The following CNBD1 variants were observed in gnomAD, a reference collection of about 807,000 sequenced individuals.
The protein encoded by CNBD1 is cyclic nucleotide-binding domain-containing protein 1.
CNBD1 carries 71 observed loss-of-function variants against 54.4 expected under a neutral mutation model. The ratio of observed to expected loss-of-function variants is 1.30; its 90% CI spans 1.08 to 1.59. The LOEUF is 1.59. Among genes scored for constraint, CNBD1 ranks in the 40% most tolerant of loss-of-function variants. The probability of loss-of-function intolerance (pLI) is 0.00; values close to 1 mark genes in which losing one functional copy is unlikely to be tolerated. For synonymous variants in CNBD1, 182 were observed against 170.7 expected, an observed-to-expected ratio of 1.07 and a Z score of -0.51; for missense variants, 659 against 518.0, an observed-to-expected ratio of 1.27 and a Z score of -2.64.
chr8:87,181,452 C>A (rs542175902), intron 4 of CNBD1, among the ~76,000 whole-genome samples: 1 of 152,132 alleles, frequency 6.6e-6, no homozygotes, highest in Non-Finnish European at 1.5e-5. Flanking sequence ...TTGGGTGAGA[C>A]TCAGAAGTTT....
chr8:87,282,107 A>AT (rs1298839205), intron 6 of CNBD1, among the ~76,000 whole-genome samples: 1 of 151,220 alleles, frequency 6.6e-6, no homozygotes, highest in Admixed American at 6.6e-5. Context: ...TCATCACTTT[A>AT]TTTTTTTGTC....
At chr8:86,876,202 T>C (rs1361759443) in intron 1 of CNBD1, among the ~76,000 whole-genome samples, 1 of 151,892 alleles carries the variant, frequency 6.6e-6, no homozygotes, top group Non-Finnish European at 1.5e-5. Context: ...TGTGTGTGTG[T>C]GTGTGTGTGT....
chr8:87,225,733 AT>A (rs1168443403), intron 5 of CNBD1, among the ~76,000 whole-genome samples: 8 of 151,630 alleles, frequency 5.3e-5, no homozygotes, highest in Admixed American at 1.3e-4. Flanking sequence ...CGGCTTTGGT[AT>A]CAGAATGATG....
intron 1 of CNBD1, among the ~76,000 whole-genome samples, chr8:86,885,584 C>T (rs544742994): frequency 6.6e-6 from 1 of 152,286 alleles, no homozygotes; most frequent in Admixed American, 6.5e-5. Context: ...AATTTGATCA[C>T]AAGAAAAGCT....
intron 4 of CNBD1, among the ~76,000 whole-genome samples, chr8:87,101,119 C>A (rs868394594): frequency 2.0e-5 from 3 of 152,122 alleles, no homozygotes; most frequent in African/African-American, 4.8e-5. Context: ...TACAATATTT[C>A]TAACACAATT....
At chr8:87,337,250 G>A (rs925219916) in intron 8 of CNBD1, among the ~76,000 whole-genome samples, 2 of 152,104 alleles carry the variant, frequency 1.3e-5, no homozygotes, top group Admixed American at 1.3e-4. Flanking sequence ...TTGCTGTGCT[G>A]GGGGGAAACA....
At chr8:87,086,558 A>G (rs1181175253) in intron 4 of CNBD1, among the ~76,000 whole-genome samples, 1 of 152,226 alleles carries the variant, frequency 6.6e-6, no homozygotes, top group East Asian at 1.9e-4. Flanking sequence ...GTATATGAAG[A>G]TATTGCTGAA....
At chr8:87,357,169 C>A (rs1810436112) in intron 10 of CNBD1, among the ~76,000 whole-genome samples, 1 of 152,194 alleles carries the variant, frequency 6.6e-6, no homozygotes, top group South Asian at 2.1e-4. Context: ...AGGGGCCCCA[C>A]AGAGAGCCTC....
At chr8:87,414,753 T>C (rs1440876613) in intron 2 of CNBD1, among the ~76,000 whole-genome samples, 1 of 150,790 alleles carries the variant, frequency 6.6e-6, no homozygotes, top group Non-Finnish European at 1.5e-5. Flanking sequence ...CTGGTGTGAC[T>C]TGAAAACTAA....
chr8:87,076,045 C>T (rs1360505867), intron 4 of CNBD1, among the ~76,000 whole-genome samples: 1 of 152,084 alleles, frequency 6.6e-6, no homozygotes, highest in East Asian at 1.9e-4. Context: ...AATCAGGATA[C>T]ATTACATATG....
At chr8:87,206,667 T>G (rs767013338) in intron 5 of CNBD1, among the ~76,000 whole-genome samples, 35 of 152,206 alleles carry the variant, frequency 2.3e-4, no homozygotes, top group Non-Finnish European at 4.1e-4. Context: ...TTCCCAATTT[T>G]AGCTTTTGGT....
intron 4 of CNBD1, among the ~76,000 whole-genome samples, chr8:87,066,520 A>G (rs1202442493): frequency 6.6e-6 from 1 of 151,916 alleles, no homozygotes; most frequent in Non-Finnish European, 1.5e-5. Context: ...CACTTTGGAG[A>G]TTTGGATATT....
chr8:87,038,901 T>C (rs1810004470), intron 4 of CNBD1, among the ~76,000 whole-genome samples: 1 of 152,234 alleles, frequency 6.6e-6, no homozygotes. Context: ...CTTTCCACCA[T>C]TGCCTTCAGT....
intron 4 of CNBD1, among the ~76,000 whole-genome samples, chr8:87,060,385 A>G (rs921368549): frequency 3.3e-5 from 5 of 152,232 alleles, no homozygotes; most frequent in African/African-American, 1.2e-4. Context: ...CTGAAAATAC[A>G]AGTATTGGTG....
intron 4 of CNBD1, among the ~76,000 whole-genome samples, chr8:87,022,352 T>C (rs562397919): frequency 6.6e-6 from 1 of 152,308 alleles, no homozygotes; most frequent in East Asian, 1.9e-4. Context: ...CAAACAATTG[T>C]TCTCCCCTCC....
At chr8:87,081,308 T>C (rs112231622) in intron 4 of CNBD1, among the ~76,000 whole-genome samples, 2 of 152,258 alleles carry the variant, frequency 1.3e-5, no homozygotes, top group African/African-American at 4.8e-5. Flanking sequence ...GAGAATTTTC[T>C]AGCTATCTTT....
Position 87,079,485 on chromosome 8 carries a change from T to C in CNBD1, c.432-126508T>C, listed in dbSNP as rs114185099. ...TTCATATTTTCACCAACACTTAGTA[T>C]TGTCAGTCTTTTTAATATAGCTATT... is the stretch of plus-strand genomic sequence containing the variant. On this transcript the variant is annotated intron_variant, in intron 4 of 10. Coordinates refer to ENST00000518476, the MANE Select transcript of CNBD1 (RefSeq NM_173538.3). 9.4e-3 allele frequency among the ~76,000 whole-genome samples: 1,435 copies of C among 152,232 alleles called. 23 individuals carry two copies. Among genetic ancestry groups the C allele is most frequent in the African/African-American group, 0.032 (1,336 of 41,580 alleles).
At chr8:86,954,321 T>G (rs1169262523) in intron 4 of CNBD1, among the ~76,000 whole-genome samples, 1 of 152,226 alleles carries the variant, frequency 6.6e-6, no homozygotes, top group African/African-American at 2.4e-5. Context: ...TTATAAATCT[T>G]TTATAACACT....
intron 10 of CNBD1, among the ~76,000 whole-genome samples, chr8:87,382,365 G>C (rs1362632987): frequency 6.6e-6 from 1 of 151,914 alleles, no homozygotes; most frequent in African/African-American, 2.4e-5. Flanking sequence ...AATTTGGTTA[G>C]AAGAGAGGAT....
Sources: allele counts gnomAD v4.1 joint callset (sites outside exome capture counted in the v4.1 genomes callset), GRCh38; gene constraint gnomAD v4.1.1; transcripts MANE v1.5; gene names NCBI Gene and HGNC (gene_info 2026-07-23, HGNC 2026-07-21).